The following C19orf47 variants were observed in gnomAD, a reference collection of about 807,000 sequenced individuals.
The protein encoded by C19orf47 is uncharacterized protein C19orf47.
A neutral mutation model predicts 32.3 loss-of-function variants in C19orf47; 18 were observed. The ratio of observed to expected loss-of-function variants is 0.56; its 90% CI spans 0.39 to 0.83. The LOEUF (loss-of-function observed/expected upper bound fraction) is 0.83. Ranked by LOEUF, C19orf47 falls within the 40% of genes least tolerant of loss-of-function variation. The probability of loss-of-function intolerance (pLI) is 0.00; values close to 1 mark genes in which losing one functional copy is unlikely to be tolerated. For synonymous variants in C19orf47, 202 were observed against 211.1 expected (o/e 0.96, Z 0.37); for missense variants, 484 against 531.6 (o/e 0.91, Z 0.88).
chr19:40,333,764 C>T (rs897368932), intron 5 of C19orf47, 87 bp downstream of exon 5: 1 of 1,104,286 alleles, frequency 9.1e-7, no homozygotes, highest in Non-Finnish European at 1.3e-6. Context: ...TTGAAAATTA[C>T]AGGCGGGGAT....
chr19:40,344,702 G>A (rs558730132), intron 1 of C19orf47, among the ~76,000 whole-genome samples: 9 of 152,248 alleles, frequency 5.9e-5, no homozygotes, highest in South Asian at 4.1e-4. Flanking sequence ...AGGTGCAGTC[G>A]TTTGTCAAAT....
In C19orf47 at chr19:40,326,343, C is replaced by T. The variant is rs2077828298; in HGVS notation, c.583G>A (p.Ala195Thr). 1 of 1,614,188 alleles carries T rather than the reference C, an allele frequency of 6.2e-7. No homozygotes were observed. The highest frequency in any genetic ancestry group is 8.5e-7 in the Non-Finnish European group (1 of 1,180,042). ...RTRKILEQQQ[A>T]AKGLHRTSVF... is the part of the protein sequence containing the mutation. Reference sequence around the variant, plus strand: ...CCTGATGGGCCAGTACCTTTTGCAGCCTGCTGCTGCTCCAGGATCTTGCGG... The same window carrying T: ...CCTGATGGGCCAGTACCTTTTGCAGTCTGCTGCTGCTCCAGGATCTTGCGG... Residue 195 changes from alanine (A) to threonine (T), a missense_variant, in exon 7 of 9, where the codon GCT (alanine) becomes ACT (threonine). By Grantham distance (58) the Ala-to-Thr change is moderately conservative (BLOSUM62 0). Around this residue, in one of 3 missense-constraint regions of C19orf47, gnomAD observed 376 missense variants for 370.2 expected, o/e 1.02. Transcript: ENST00000683109.
the C19orf47 span, among the ~76,000 whole-genome samples, chr19:40,294,094 T>C: frequency 6.6e-6 from 1 of 152,112 alleles, no homozygotes; most frequent in Non-Finnish European, 1.5e-5. Flanking sequence ...CACTCCAGCC[T>C]GGGCGACAGA....
At chr19:40,302,459 G>C in the C19orf47 span, among the ~76,000 whole-genome samples, 9 of 152,058 alleles carry the variant, frequency 5.9e-5, no homozygotes, top group South Asian at 8.3e-4. Flanking sequence ...CACCACGTCT[G>C]ATTTTTTTGT....
At chr19:40,295,615 T>C in the C19orf47 span, among the ~76,000 whole-genome samples, 1 of 151,600 alleles carries the variant, frequency 6.6e-6, no homozygotes, top group Non-Finnish European at 1.5e-5. Flanking sequence ...TTTGTATTTT[T>C]AGTAGAGATG....
intron 2 of C19orf47, among the ~76,000 whole-genome samples, chr19:40,341,197 G>T (rs551530461): frequency 2.0e-5 from 3 of 151,898 alleles, no homozygotes; most frequent in Admixed American, 1.3e-4. Flanking sequence ...AGCTGGGCGT[G>T]GTGGCACGCG....
intron 2 of C19orf47, 162 bp downstream of exon 2, chr19:40,341,677 G>T: frequency 1.0e-6 from 1 of 978,498 alleles, no homozygotes; most frequent in Non-Finnish European, 1.5e-6. Context: ...AGGCGGGCAG[G>T]CCTCAAGCAG....
the C19orf47 span, among the ~76,000 whole-genome samples, chr19:40,307,649 G>T: frequency 1.3e-5 from 2 of 152,090 alleles, no homozygotes; most frequent in African/African-American, 4.8e-5. Context: ...CACAGTACTG[G>T]GATTACAGGA....
chr19:40,321,617 G>C lies in C19orf47; in HGVS notation c.*265C>G. On this transcript the variant is annotated 3_prime_UTR_variant, in exon 9 of 9. Coordinates refer to ENST00000683109, the MANE Select transcript of C19orf47 (RefSeq NM_001256441.2). ...GGCACTTGGGAGAGGTAGAAAAGTG[G>C]GTTCTGCCAAGGCCACAGCCAGAGA... 1 of 1,258,850 alleles carries C rather than the reference G, an allele frequency of 7.9e-7. No homozygotes were observed. The highest frequency in any genetic ancestry group is 1.0e-6 in the Non-Finnish European group (1 of 1,000,682). 78.0% of individuals were successfully genotyped at this position (1,258,850 alleles called of 1,614,324 possible).
intron 7 of C19orf47, chr19:40,324,725 T>C (rs2077792342): frequency 6.6e-6 from 1 of 152,294 alleles, no homozygotes; most frequent in East Asian, 1.9e-4. Flanking sequence ...TTATAGAACA[T>C]GCCAAGAGTG....
chr19:40,341,685 C>G, intron 2 of C19orf47, 154 bp downstream of exon 2: 1 of 1,062,268 alleles, frequency 9.4e-7, no homozygotes. Flanking sequence ...AGGCCTCAAG[C>G]AGTTCCAGCC....
At chr19:40,304,027 C>A in the C19orf47 span, among the ~76,000 whole-genome samples, 1 of 152,080 alleles carries the variant, frequency 6.6e-6, no homozygotes, top group African/African-American at 2.4e-5. Flanking sequence ...TTATTAAATA[C>A]CTGTTTGCTT....
chr19:40,347,395 G>A (rs2078329611), intron 1 of C19orf47, among the ~76,000 whole-genome samples: 1 of 152,058 alleles, frequency 6.6e-6, no homozygotes. Flanking sequence ...AGCCGGGCGT[G>A]GTGGCGCATG....
In C19orf47 at chr19:40,321,747, G is replaced by C; in HGVS notation, c.*135C>G. 7.0e-7 allele frequency: 1 copy of C among 1,434,986 alleles called. No individual in the cohort carries two copies. Among genetic ancestry groups the C allele is most frequent in the Non-Finnish European group, 9.1e-7 (1 of 1,099,366 alleles). The allele number at this position is 1,434,986 out of a possible 1,614,324, so 88.9% of individuals were successfully genotyped here. On this transcript the variant is annotated 3_prime_UTR_variant, in exon 9 of 9. Coordinates refer to ENST00000683109, the MANE Select transcript of C19orf47 (RefSeq NM_001256441.2). ...AATGGGGTGATCCCCCGAATGCTCG[G>C]GCCTAGCTCTAGAGCCCGAGGGAGA...
intron 1 of C19orf47, among the ~76,000 whole-genome samples, chr19:40,345,568 G>T (rs917053536): frequency 6.7e-6 from 1 of 150,354 alleles, no homozygotes; most frequent in Non-Finnish European, 1.5e-5. Context: ...AAAACTGGGC[G>T]TGGTGGCTCA....
Position 40,322,182 on chromosome 19 carries a change from C to T in C19orf47, c.858G>A (p.Thr286=), listed in dbSNP as rs758416117. Residue 286 remains threonine (T), a synonymous_variant, in exon 9 of 9, where the codon ACG becomes ACA. Coordinates refer to ENST00000683109, the MANE Select transcript of C19orf47 (RefSeq NM_001256441.2). The part of the protein sequence containing the change: ...VKAKATSSAT[T]AAAPTLRRLA... ...GGCGCCGCAGTGTCGGGGCAGCAGC[C>T]GTTGTCGCTGAGCTTGTGGCCTTGG... The T allele has an allele frequency of 8.7e-6, 14 of 1,612,216 alleles. 1 individual carries two copies. The highest frequency in any genetic ancestry group is 3.3e-5 in the South Asian group (3 of 91,064).
intron 7 of C19orf47, among the ~76,000 whole-genome samples, chr19:40,325,856 G>A (rs928583497): frequency 6.6e-6 from 1 of 152,124 alleles, no homozygotes; most frequent in African/African-American, 2.4e-5. Context: ...TATGTTGCAC[G>A]CTTGAACTCC....
chr19:40,331,441 G>A (rs2077951280), intron 5 of C19orf47, among the ~76,000 whole-genome samples: 1 of 152,218 alleles, frequency 6.6e-6, no homozygotes, highest in Non-Finnish European at 1.5e-5. Context: ...GCCTAGAGCA[G>A]AACTGACCAG....
the C19orf47 span, among the ~76,000 whole-genome samples, chr19:40,307,946 C>T: frequency 5.4e-5 from 8 of 149,446 alleles, no homozygotes; most frequent in East Asian, 2.0e-4. Context: ...TACAGTCACC[C>T]GCCACCACGC....
Sources: gnomAD v4.1 joint callset for allele counts (sites outside exome capture counted in the v4.1 genomes callset) on GRCh38, gnomAD v4.1.1 for gene constraint, gnomAD v4.1.1 regional missense constraint, MANE v1.5 for transcripts, NCBI Gene and HGNC (gene_info 2026-07-23, HGNC 2026-07-21) for gene names.